DUX4: variants seen among roughly 807,000 people sequenced by gnomAD.
The protein encoded by DUX4 is double homeobox protein 4.
chr4:190,176,750 G>A (rs1253610296), downstream of DUX4, among the ~76,000 whole-genome samples: 1 of 126,516 alleles, frequency 7.9e-6, no homozygotes, highest in African/African-American at 2.5e-5. Flanking sequence ...CATCACCTGG[G>A]TGATCAGTGC....
At chr4:190,179,795 A>AGCTGTGGACG (rs1213740323), downstream of DUX4, among the ~76,000 whole-genome samples, 1 of 146,494 alleles carries the variant, frequency 6.8e-6, no homozygotes, top group Non-Finnish European at 1.5e-5. Context: ...CCCTGTAGGC[A>AGCTGTGGACG]AGCCTACACA....
chr4:190,181,653 A>G (rs1579837896), intron 1 of DUX4, among the ~76,000 whole-genome samples: 424 of 127,684 alleles, frequency 3.3e-3, no homozygotes, highest in Non-Finnish European at 4.0e-3. Context: ...GAGCCTAGAC[A>G]AGAGTCCCAT....
chr4:190,177,328 C>T (rs1579832682), downstream of DUX4, among the ~76,000 whole-genome samples: 62 of 31,164 alleles, frequency 2.0e-3, 1 homozygote, highest in Admixed American at 3.7e-3. Context: ...TGTCACAAAG[C>T]CCCTGTAGGC....
At chr4:190,180,048 TCACATTGCCCCCATAGGCGAATCCAA>T (rs1742527466), downstream of DUX4, among the ~76,000 whole-genome samples, 1 of 145,964 alleles carries the variant, frequency 6.9e-6, no homozygotes, top group Non-Finnish European at 1.5e-5. Context: ...CAGAGATATG[TCACATTGCCCCCATAGGCGAATCCAA>T]GACAAGAGTC....
downstream of DUX4, among the ~76,000 whole-genome samples, chr4:190,177,296 C>T (rs1742358186): frequency 6.8e-6 from 1 of 147,820 alleles, no homozygotes; most frequent in African/African-American, 2.5e-5. Flanking sequence ...GTTACATCAC[C>T]TGGGTGATCA....
At chr4:190,178,921 C>CAG (rs1742463610), downstream of DUX4, among the ~76,000 whole-genome samples, 2 of 67,416 alleles carry the variant, frequency 3.0e-5, no homozygotes, top group Non-Finnish European at 5.9e-5. Flanking sequence ...AGATCCAAGA[C>CAG]AAGAGTCCGT....
At chr4:190,181,300 C>T (rs1742562820) in intron 1 of DUX4, among the ~76,000 whole-genome samples, 1,141 of 94,124 alleles carry the variant, frequency 0.012, 4 homozygotes, top group African/African-American at 0.019. Context: ...CGCCAGTAGG[C>T]AGAGCCTAAA....
downstream of DUX4, among the ~76,000 whole-genome samples, chr4:190,176,713 C>T (rs1320484951): frequency 1.8e-5 from 2 of 110,858 alleles, no homozygotes; most frequent in African/African-American, 2.6e-5. Context: ...TCAGAATGCC[C>T]ATGTAGGCAG....
chr4:190,175,945 G>C (rs1742284627), downstream of DUX4: 2 of 110,572 alleles, frequency 1.8e-5, 1 homozygote, highest in Non-Finnish European at 4.2e-5. Context: ...GATCAGTGCA[G>C]ATGTGTTTCA....
downstream of DUX4, among the ~76,000 whole-genome samples, chr4:190,178,587 G>GCA (rs1742435735): frequency 3.4e-5 from 5 of 145,652 alleles, no homozygotes; most frequent in African/African-American, 9.7e-5. Flanking sequence ...GTAGACAAGA[G>GCA]TTACATCACT....
At chr4:190,180,009 C>CAAGAGT (rs1742524902), downstream of DUX4, among the ~76,000 whole-genome samples, 4 of 101,056 alleles carry the variant, frequency 4.0e-5, 1 homozygote, top group Non-Finnish European at 6.0e-5. Context: ...AGAGCTTAAA[C>CAAGAGT]TAGAGTTACA....
chr4:190,181,761 A>AAGC (rs1742593955), intron 1 of DUX4, among the ~76,000 whole-genome samples: 1 of 150,900 alleles, frequency 6.6e-6, no homozygotes. Context: ...GAGATATGTA[A>AAGC]CAATGCCCCC....
downstream of DUX4, among the ~76,000 whole-genome samples, chr4:190,176,118 C>G (rs1184242808): frequency 1.2e-4 from 13 of 112,266 alleles, 3 homozygotes; most frequent in African/African-American, 1.8e-4. Flanking sequence ...AGAGTGTAGG[C>G]AAGTGTTCCC....
intron 1 of DUX4, among the ~76,000 whole-genome samples, chr4:190,184,166 A>T (rs1742640910): frequency 8.3e-6 from 1 of 120,610 alleles, no homozygotes; most frequent in African/African-American, 2.5e-5. Context: ...GGCAGGAGAG[A>T]CTCTCACACA....
downstream of DUX4, among the ~76,000 whole-genome samples, chr4:190,179,042 AGGCAG>A (rs1742474096): frequency 4.2e-4 from 2 of 4,756 alleles, no homozygotes; most frequent in Non-Finnish European, 3.7e-4. Context: ...AAGTCCCTTT[AGGCAG>A]ATCCTAGAAA....
downstream of DUX4, among the ~76,000 whole-genome samples, chr4:190,176,228 C>A (rs1742297979): frequency 1.8e-5 from 2 of 113,684 alleles, no homozygotes; most frequent in African/African-American, 5.2e-5. Context: ...ATATATATCA[C>A]AAAGCCCCCT....
At chr4:190,178,954 A>AAAAGCCCCATCACCTGGATGATCAG (rs1742466386), downstream of DUX4, among the ~76,000 whole-genome samples, 1 of 83,816 alleles carries the variant, frequency 1.2e-5, no homozygotes, top group Non-Finnish European at 2.8e-5. Context: ...CAGTGCAGAA[A>AAAAGCCCCATCACCTGGATGATCAG]TACGTCACAA....
downstream of DUX4, among the ~76,000 whole-genome samples, chr4:190,177,157 A>AGAGTTATGTCAAAACGC (rs1742345485): frequency 2.7e-5 from 4 of 150,810 alleles, no homozygotes; most frequent in East Asian, 2.0e-4. Flanking sequence ...GAGTTACATC[A>AGAGTTATGTCAAAACGC]CCTAGATGAT....
downstream of DUX4, among the ~76,000 whole-genome samples, chr4:190,176,164 G>T (rs1221836852): frequency 8.9e-6 from 1 of 112,446 alleles, no homozygotes; most frequent in Non-Finnish European, 2.1e-5. Context: ...ATCTCACAAA[G>T]CCCCTATAAG....
Sources: gnomAD v4.1 joint callset for allele counts (sites outside exome capture counted in the v4.1 genomes callset) on GRCh38, gnomAD v4.1.1 for gene constraint, MANE v1.5 for transcripts, NCBI Gene and HGNC (gene_info 2026-07-23, HGNC 2026-07-21) for gene names.